Variants in SMPDL3B observed in about 807,000 individuals in gnomAD.
SMPDL3B encodes sphingomyelin phosphodiesterase acid like 3B.
SMPDL3B carries 31 observed loss-of-function variants against 37.9 expected under a neutral mutation model. The ratio of observed to expected loss-of-function variants is 0.82; its 90% CI spans 0.61 to 1.10. The LOEUF is 1.10. Among genes scored for constraint, SMPDL3B ranks in the 50% least tolerant of loss-of-function variants. The pLI, the probability that SMPDL3B is intolerant of heterozygous loss-of-function variation, is 0.00. For synonymous variants in SMPDL3B, 235 were observed against 242.6 expected (o/e 0.97, Z 0.29); for missense variants, 525 against 597.8 (o/e 0.88, Z 1.27).
intron 1 of SMPDL3B, chr1:27,938,752 T>G (rs1362645005): frequency 6.6e-6 from 1 of 152,246 alleles, no homozygotes; most frequent in African/African-American, 2.4e-5. Context: ...TTTAATACAT[T>G]GCAAGAGACA....
rs1180335616 is a variant in SMPDL3B, at chr1:27,935,166, G to A, written c.-18G>A. 1 of 1,610,846 alleles carries A rather than the reference G, an allele frequency of 6.2e-7. No individual in the cohort carries two copies. ...AGTGCCTGAGAATCCCACGGCTCTG[G>A]GGAAGTGAGCCCCGAGGATGAGGCT... is the stretch of plus-strand genomic sequence containing the variant. On this transcript the variant is annotated 5_prime_UTR_variant, in exon 1 of 8. Coordinates refer to ENST00000373894, the MANE Select transcript of SMPDL3B (RefSeq NM_014474.4).
chr1:27,936,865 C>T (rs748256056), intron 1 of SMPDL3B, among the ~76,000 whole-genome samples: 1 of 152,000 alleles, frequency 6.6e-6, no homozygotes, highest in Non-Finnish European at 1.5e-5. Context: ...ACTAAAAGTA[C>T]AAAAAATTAG....
chr1:27,951,993 T>C (rs1025149876), intron 3 of SMPDL3B, among the ~76,000 whole-genome samples: 2 of 152,158 alleles, frequency 1.3e-5, no homozygotes, highest in African/African-American at 4.8e-5. Context: ...ACTCATTTAG[T>C]CAATCAACAA....
intron 7 of SMPDL3B, among the ~76,000 whole-genome samples, chr1:27,957,590 G>A (rs1638328857): frequency 6.6e-6 from 1 of 152,124 alleles, no homozygotes; most frequent in African/African-American, 2.4e-5. Context: ...TAAAGCCAAC[G>A]ACTGCATGAG....
intron 3 of SMPDL3B, 102 bp from the exon 4 acceptor site, chr1:27,953,113 G>A (rs2090467243): frequency 9.8e-6 from 8 of 819,090 alleles, no homozygotes; most frequent in Admixed American, 9.4e-5. Context: ...CTGTGCTATC[G>A]CTCTTCCCCT....
At chr1:27,951,417 C>T (rs2090454543) in intron 3 of SMPDL3B, among the ~76,000 whole-genome samples, 1 of 152,142 alleles carries the variant, frequency 6.6e-6, no homozygotes, top group Non-Finnish European at 1.5e-5. Context: ...GACTGAAACT[C>T]GAGATTCAGG....
At position 27,955,670 on chromosome 1, in the gene SMPDL3B, C is replaced by A; in HGVS notation, c.691-14C>A. 1 of 1,605,580 alleles carries A rather than the reference C, an allele frequency of 6.2e-7. No individual in the cohort carries two copies. Among genetic ancestry groups the A allele is most frequent in the Non-Finnish European group, 8.5e-7 (1 of 1,173,742 alleles). ...GGCATCTGTGAGCCTCTTCTGGGAA[C>A]CCCTCCCTTGTAGGTGTACATTGTC... On this transcript the variant is annotated splice_polypyrimidine_tract_variant and intron_variant, in intron 5 of 7. Transcript: ENST00000373894.
intron 1 of SMPDL3B, among the ~76,000 whole-genome samples, chr1:27,938,479 C>T (rs933103151): frequency 2.6e-5 from 4 of 152,176 alleles, no homozygotes; most frequent in African/African-American, 9.7e-5. Context: ...CCTTTGAATA[C>T]CTGTGTGACC....
Position 27,945,480 on chromosome 1 carries a change from A to G in SMPDL3B, c.275+35A>G, listed in dbSNP as rs755374098. 1.9e-6 allele frequency: 3 copies of G among 1,551,700 alleles called. No individual in the cohort carries two copies. Among genetic ancestry groups the G allele is most frequent in the Non-Finnish European group, 2.7e-6 (3 of 1,124,686 alleles). On this transcript the variant is annotated intron_variant, in intron 2 of 7. Coordinates refer to ENST00000373894, the MANE Select transcript of SMPDL3B (RefSeq NM_014474.4). This position sits in a 1 kb window ranked among gnomAD's most constrained non-coding sequence, Gnocchi z 4.0. ...GTTGAGGTGGCAGCTACCCTTTGCC[A>G]GGCATCTGCTATGTGCTACATACCA... is the stretch of plus-strand genomic sequence containing the variant.
Position 27,958,459 on chromosome 1 carries a change from C to G in SMPDL3B, c.1006-17C>G, listed in dbSNP as rs1006402043. ...GACAACTGCTCACAGCCGGTCTACC[C>G]CAAACCCTTTTTCCAGGACATGGTG... On this transcript the variant is annotated splice_polypyrimidine_tract_variant and intron_variant, in intron 7 of 7. Transcript: ENST00000373894. The surrounding 1 kb of genome is among the most constrained non-coding windows in gnomAD (Gnocchi z 5.6). 1.9e-6 allele frequency: 3 copies of G among 1,588,410 alleles called. No homozygotes were observed. In the African/African-American group the frequency reaches 4.0e-5, roughly 21 times the overall value.
In SMPDL3B at chr1:27,953,298, CAGAT is replaced by C; in HGVS notation, c.460_463del (p.Ile154GlnfsTer49). On this transcript the variant is annotated frameshift_variant, in exon 4 of 8. Transcript: ENST00000373894. LOFTEE classifies it high-confidence loss of function. ...AGCTGGAAGTAACAACATCTACAATCAGATAGCAGAACTATGGAAACCCTGGCTT... is the reference window on the plus strand; with the variant it reads ...AGCTGGAAGTAACAACATCTACAATCAGCAGAACTATGGAAACCCTGGCTT... The C allele has an allele frequency of 6.2e-7, 1 of 1,613,768 alleles. No homozygotes were observed.
rs1414066951 is a variant in SMPDL3B, at chr1:27,939,917, G to A, written c.61+4673G>A. 6.6e-5 allele frequency among the ~76,000 whole-genome samples: 10 copies of A among 152,272 alleles called. No individual in the cohort carries two copies. In the East Asian group the frequency reaches 1.9e-3, roughly 29 times the overall value. On this transcript the variant is annotated intron_variant, in intron 1 of 7. Transcript: ENST00000373894. ...GGCCTCCCAAAGCACTGGGATTACC[G>A]GTGTGAGCCAATGCATGTGGCCCAT...
chr1:27,950,160 T>C (rs1429378294), intron 3 of SMPDL3B, among the ~76,000 whole-genome samples: 1 of 152,164 alleles, frequency 6.6e-6, no homozygotes, highest in Non-Finnish European at 1.5e-5. Flanking sequence ...CTTCCTTTCC[T>C]CAACAAAGTC....
At position 27,945,672 on chromosome 1, in the gene SMPDL3B, C is replaced by T. The variant is rs545015056; in HGVS notation, c.275+227C>T. ...TCCATGTCTCCTGGCTGTGGCAGAA[C>T]GCAGCTCTCAATCAGGCTTTTGGAC... On this transcript the variant is annotated intron_variant, in intron 2 of 7. Transcript: ENST00000373894. The surrounding 1 kb of genome is among the most constrained non-coding windows in gnomAD (Gnocchi z 4.0). Among the ~76,000 whole-genome samples the T allele has an allele frequency of 3.9e-5, 6 of 152,312 alleles. No individual in the cohort carries two copies. The highest frequency in any genetic ancestry group is 9.6e-5 in the African/African-American group (4 of 41,570).
chr1:27,944,175 C>T (rs1053731868), intron 1 of SMPDL3B, among the ~76,000 whole-genome samples: 4 of 151,982 alleles, frequency 2.6e-5, no homozygotes, highest in African/African-American at 9.7e-5. Context: ...GTCTAGGTTT[C>T]GGTCAATCAC....
rs749849136 is a variant in SMPDL3B, at chr1:27,945,446, G to A, written c.275+1G>A. 1.2e-6 allele frequency: 2 copies of A among 1,612,524 alleles called. No individual in the cohort carries two copies. Among genetic ancestry groups the A allele is most frequent in the South Asian group, 2.2e-5 (2 of 91,022 alleles). ...AGCCAGACTTCATTCTCTGGACTGG[G>A]TGAGTACAGTTGAGGTGGCAGCTAC... On this transcript the variant is annotated splice_donor_variant, in intron 2 of 7. Coordinates refer to ENST00000373894, the MANE Select transcript of SMPDL3B (RefSeq NM_014474.4). LOFTEE classifies it high-confidence loss of function. This position sits in a 1 kb window ranked among gnomAD's most constrained non-coding sequence, Gnocchi z 4.0.
chr1:27,941,199 C>T (rs1402580594), intron 1 of SMPDL3B, among the ~76,000 whole-genome samples: 1 of 152,212 alleles, frequency 6.6e-6, no homozygotes, highest in East Asian at 1.9e-4. Flanking sequence ...CAGCCACCTT[C>T]TGGGCGGCGG....
At chr1:27,949,761 G>A (rs1028185756) in intron 3 of SMPDL3B, among the ~76,000 whole-genome samples, 1 of 152,140 alleles carries the variant, frequency 6.6e-6, no homozygotes, top group African/African-American at 2.4e-5. Context: ...CAACATCCTG[G>A]AGGCTAAATC....
chr1:27,950,568 C>G (rs190385523), intron 3 of SMPDL3B, among the ~76,000 whole-genome samples: 27 of 152,342 alleles, frequency 1.8e-4, no homozygotes, highest in African/African-American at 5.8e-4. Context: ...ATCCTTCCAT[C>G]TCACTCTCCT....
Sources: allele counts gnomAD v4.1 joint callset (sites outside exome capture counted in the v4.1 genomes callset), GRCh38; gene constraint gnomAD v4.1.1; non-coding constraint Gnocchi (gnomAD v3.1); transcripts MANE v1.5; gene names NCBI Gene and HGNC (gene_info 2026-07-23, HGNC 2026-07-21).